The following CD4 variants were observed in gnomAD, a reference collection of about 807,000 sequenced individuals.
CD4 encodes CD4 molecule, also known as T-cell surface glycoprotein CD4.
A neutral mutation model predicts 50.5 loss-of-function variants in CD4; 25 were observed. The ratio of observed to expected loss-of-function variants is 0.49; its 90% CI spans 0.36 to 0.69. The LOEUF is 0.69. CD4 is among the 30% of genes least tolerant of loss of function. CD4 has a pLI of 0.00. For missense variants in CD4, 456 were observed against 548.5 expected (o/e 0.83, Z 1.68); for synonymous variants, 207 against 221.9 (o/e 0.93, Z 0.60).
In CD4 at chr12:6,818,992, A is replaced by C; in HGVS notation, c.1346+78A>C. On this transcript the variant is annotated intron_variant, in intron 9 of 9. Coordinates refer to ENST00000011653, the MANE Select transcript of CD4 (RefSeq NM_000616.5). This position sits in a 1 kb window ranked among gnomAD's most constrained non-coding sequence, Gnocchi z 5.0. ...GTTAGAGAGGAGGGGGAGGAAGGGG[A>C]GCAAAGGGGGGCAGGAAGGGAGGAT... The C allele has an allele frequency of 3.5e-6, 2 of 564,862 alleles. No homozygotes were observed. Among genetic ancestry groups the C allele is most frequent in the Non-Finnish European group, 3.1e-6 (1 of 320,248 alleles). 35.0% of individuals were successfully genotyped at this position (564,862 alleles called of 1,614,324 possible). A position where few individuals can be genotyped will look rare whatever the true frequency, so the allele number is the denominator to read the frequency against.
chr12:6,796,202 C>G (rs969956251), intron 1 of CD4, among the ~76,000 whole-genome samples: 1 of 152,280 alleles, frequency 6.6e-6, no homozygotes, highest in East Asian at 1.9e-4. Context: ...TCATCTCTGT[C>G]CTCAAGGGGC....
intron 3 of CD4, among the ~76,000 whole-genome samples, chr12:6,811,257 T>C (rs1395833978): frequency 1.3e-5 from 2 of 152,126 alleles, no homozygotes; most frequent in Admixed American, 6.5e-5. Flanking sequence ...CTATGTAAAT[T>C]TAGCTTCTAA....
At chr12:6,800,032 C>T in intron 1 of CD4, 40 bp from the exon 2 acceptor site, 6 of 976,240 alleles carry the variant, frequency 6.1e-6, no homozygotes, top group Non-Finnish European at 6.6e-6. Context: ...ACTCCAGGTC[C>T]AGTAAATGTT....
At chr12:6,808,450 CAAAAAAAAAAA>C (rs3032789) in intron 3 of CD4, among the ~76,000 whole-genome samples, 65 of 37,806 alleles carry the variant, frequency 1.7e-3, no homozygotes, top group South Asian at 3.9e-3. Context: ...GATTCTGTCT[CAAAAAAAAAAA>C]AAAAAAAAAA....
chr12:6,818,485 C>T lies in CD4; in HGVS notation c.1221C>T (p.Gly407=). 6.2e-7 allele frequency: 1 copy of T among 1,613,078 alleles called. No homozygotes were observed. Among genetic ancestry groups the T allele is most frequent in the Non-Finnish European group, 8.5e-7 (1 of 1,180,026 alleles). ...MALIVLGGVA[G]LLLFIGLGIF... ...TGATTGTGCTGGGGGGCGTCGCCGG[C>T]CTCCTGCTTTTCATTGGGCTAGGCA... The change falls in exon 8 of 10, where the codon GGC becomes GGT. Residue 407 remains glycine, a synonymous_variant. Coordinates refer to ENST00000011653, the MANE Select transcript of CD4 (RefSeq NM_000616.5). The surrounding 1 kb of genome is among the most constrained non-coding windows in gnomAD (Gnocchi z 5.0).
chr12:6,818,583 C>G lies in CD4; in HGVS notation c.1278+41C>G, dbSNP rs782114407. On this transcript the variant is annotated intron_variant, in intron 8 of 9. Transcript: ENST00000011653. The surrounding 1 kb of genome is among the most constrained non-coding windows in gnomAD (Gnocchi z 5.0). ...CCTGGTCCCCACAAGGCCCTCAAAC[C>G]CCTGAGTCCTCTACCAGGAGATCCT... is the stretch of plus-strand genomic sequence containing the variant. 1.2e-6 allele frequency: 2 copies of G among 1,610,594 alleles called. No individual in the cohort carries two copies. Among genetic ancestry groups the G allele is most frequent in the Non-Finnish European group, 1.7e-6 (2 of 1,179,402 alleles).
intron 3 of CD4, among the ~76,000 whole-genome samples, chr12:6,811,427 C>A (rs906649241): frequency 1.3e-5 from 2 of 151,572 alleles, no homozygotes; most frequent in Non-Finnish European, 2.9e-5. Context: ...CATTGCATAG[C>A]GAAATAGCCT....
intron 1 of CD4, among the ~76,000 whole-genome samples, chr12:6,795,692 C>T (rs1366888054): frequency 6.6e-6 from 1 of 152,254 alleles, no homozygotes; most frequent in African/African-American, 2.4e-5. Context: ...GGCCACCCCA[C>T]AGAAGCTGTG....
At chr12:6,815,444 C>A (rs1943060180) in intron 5 of CD4, among the ~76,000 whole-genome samples, 1 of 152,114 alleles carries the variant, frequency 6.6e-6, no homozygotes, top group African/African-American at 2.4e-5. Flanking sequence ...GGTCCTACCC[C>A]AGATCCTGTC....
chr12:6,792,895 G>T lies in CD4; in HGVS notation c.-68+3233G>T, dbSNP rs1591539764. ...AGACACAGGGAGCTGCAGGCTGGGGGCATAAGCTGGGGGCTGGGAAGCATA... is the reference window on the plus strand; with the variant it reads ...AGACACAGGGAGCTGCAGGCTGGGGTCATAAGCTGGGGGCTGGGAAGCATA... On this transcript the variant is annotated intron_variant, in intron 1 of 9. Transcript: ENST00000011653. The surrounding 1 kb of genome is among the most constrained non-coding windows in gnomAD (Gnocchi z 4.1). 6.6e-6 allele frequency among the ~76,000 whole-genome samples: 1 copy of T among 152,170 alleles called. No homozygotes were observed. Among genetic ancestry groups the T allele is most frequent in the African/African-American group, 2.4e-5 (1 of 41,440 alleles).
chr12:6,796,373 A>C (rs762522254), intron 1 of CD4, among the ~76,000 whole-genome samples: 30 of 152,214 alleles, frequency 2.0e-4, no homozygotes, highest in Non-Finnish European at 3.7e-4. Flanking sequence ...AGAAGGACCA[A>C]GCTTGGAAGA....
intron 3 of CD4, among the ~76,000 whole-genome samples, chr12:6,807,694 T>C (rs1555116390): frequency 2.0e-5 from 3 of 152,276 alleles, no homozygotes; most frequent in Admixed American, 1.3e-4. Context: ...TGCAAGTTAT[T>C]ACCATCAGAG....
chr12:6,795,503 G>A (rs894517473), intron 1 of CD4, among the ~76,000 whole-genome samples: 2 of 152,198 alleles, frequency 1.3e-5, no homozygotes, highest in East Asian at 1.9e-4. Context: ...GTGTCTTAGT[G>A]CCCAGCAGGA....
chr12:6,813,641 A>G (rs1357599805), intron 3 of CD4: 1 of 152,826 alleles, frequency 6.5e-6, no homozygotes, highest in Non-Finnish European at 1.5e-5. Context: ...TTATTGATGG[A>G]CATTTGGTTT....
At position 6,817,174 on chromosome 12, in the gene CD4, A is replaced by G; in HGVS notation, c.1000A>G (p.Thr334Ala). Residue 334 changes from threonine to alanine, a missense_variant, in exon 7 of 10, where the codon ACC becomes GCC. Thr to Ala is a moderately conservative substitution (Grantham distance 58). Transcript: ENST00000011653. Reference protein sequence around the residue: ...KNLTCEVWGPTSPKLMLSLKL... With the variant: ...KNLTCEVWGPASPKLMLSLKL... ...TTTGACCTGTGAGGTGTGGGGACCC[A>G]CCTCCCCTAAGCTGATGCTGAGTTT... 6.2e-7 allele frequency: 1 copy of G among 1,614,028 alleles called. No individual in the cohort carries two copies. The highest frequency in any genetic ancestry group is 1.1e-5 in the South Asian group (1 of 91,076).
chr12:6,794,471 A>C (rs1048879610), intron 1 of CD4, among the ~76,000 whole-genome samples: 28 of 149,564 alleles, frequency 1.9e-4, no homozygotes, highest in African/African-American at 6.4e-4. Flanking sequence ...TCCCGGGTTC[A>C]AGTGATTCTC....
Position 6,819,369 on chromosome 12 carries a change from G to C in CD4, c.*40G>C. ...CAGATCCCACTTGCAGCCTCCCCAG[G>C]TGTCTGCCCCGCGTTTCCTGCCTGC... On this transcript the variant is annotated 3_prime_UTR_variant, in exon 10 of 10. Coordinates refer to ENST00000011653, the MANE Select transcript of CD4 (RefSeq NM_000616.5). 1 of 1,605,984 alleles carries C rather than the reference G, an allele frequency of 6.2e-7. No individual in the cohort carries two copies. Among genetic ancestry groups the C allele is most frequent in the Non-Finnish European group, 8.5e-7 (1 of 1,172,646 alleles).
Position 6,814,878 on chromosome 12 carries a change from G to T in CD4, c.493G>T (p.Gly165Trp), listed in dbSNP as rs371349550. 57 of 1,613,436 alleles carry T rather than the reference G, an allele frequency of 3.5e-5. No homozygotes were observed. The highest frequency in any genetic ancestry group is 6.6e-5 in the South Asian group (6 of 91,072). The part of the protein sequence containing the change: ...CRSPRGKNIQ[G>W]GKTLSVSQLE... The stretch of plus-strand genomic sequence containing the variant: ...GAGTCCAAGGGGTAAAAACATACAG[G>T]GGGGGAAGACCCTCTCCGTGTCTCA... Residue 165 changes from glycine to tryptophan, a missense_variant, in exon 5 of 10, where the codon GGG becomes TGG. By Grantham distance (184) the Gly-to-Trp change is radical (BLOSUM62 -2). Transcript: ENST00000011653.
intron 7 of CD4, among the ~76,000 whole-genome samples, chr12:6,817,609 AG>A (rs540220111): frequency 5.3e-4 from 80 of 150,802 alleles, no homozygotes; most frequent in Non-Finnish European, 8.1e-4. Context: ...CCTGACCGAG[AG>A]CCCCCCTCCC....
Sources: allele counts gnomAD v4.1 joint callset (sites outside exome capture counted in the v4.1 genomes callset), GRCh38; gene constraint gnomAD v4.1.1; non-coding constraint Gnocchi (gnomAD v3.1); transcripts MANE v1.5; gene names NCBI Gene and HGNC (gene_info 2026-07-23, HGNC 2026-07-21).